Variants in IRAG2 observed in about 807,000 individuals in gnomAD.
IRAG2 encodes lymphoid restricted membrane protein.
Under a neutral mutation model 69.9 loss-of-function variants are expected in IRAG2, and 45 were observed. The observed-to-expected ratio is 0.64, with a 90% CI of 0.51 to 0.83. The LOEUF is 0.83. Among genes scored for constraint, IRAG2 ranks in the 40% least tolerant of loss-of-function variants. IRAG2 has a pLI of 0.00. For missense variants in IRAG2, 520 were observed against 587.0 expected (o/e 0.89, Z 1.18); for synonymous variants, 193 against 202.4 (o/e 0.95, Z 0.40).
intron 5 of IRAG2, among the ~76,000 whole-genome samples, chr12:25,015,586 C>T (rs1944521091): frequency 6.6e-6 from 1 of 152,138 alleles, no homozygotes; most frequent in African/African-American, 2.4e-5. Flanking sequence ...TCTAATAATG[C>T]CTGCATTAGA....
chr12:25,006,983 T>A (rs2139815695), intron 2 of IRAG2, among the ~76,000 whole-genome samples: 1 of 152,330 alleles, frequency 6.6e-6, no homozygotes. Context: ...GTAATCCTGT[T>A]TCCCTGAGTA....
intron 3 of IRAG2, chr12:25,011,587 C>G (rs1944475266): frequency 8.6e-7 from 1 of 1,160,868 alleles, no homozygotes; most frequent in African/African-American, 1.6e-5. Flanking sequence ...GTTTAAGGTT[C>G]TATTTTAACA....
chr12:25,052,563 C>T (rs763131918), upstream of IRAG2: 12 of 396,732 alleles, frequency 3.0e-5, no homozygotes, highest in South Asian at 2.9e-4. Context: ...ATGAAAGAGG[C>T]GACTCTGCAG....
chr12:25,095,132 G>C (rs1478390448), intron 14 of IRAG2, among the ~76,000 whole-genome samples: 1 of 152,090 alleles, frequency 6.6e-6, no homozygotes, highest in Non-Finnish European at 1.5e-5. Flanking sequence ...GTGAGAGTGG[G>C]CATCTTTGCC....
At chr12:25,015,457 T>C (rs1209935398) in intron 5 of IRAG2, 18 of 1,171,356 alleles carry the variant, frequency 1.5e-5, no homozygotes, top group Non-Finnish European at 1.9e-5. Context: ...CTTTCGCAAG[T>C]GTTTCAACTT....
rs1193870706 is a variant in IRAG2 at position 25,079,252 on chromosome 12, T to C, written c.33T>C (p.Gly11=). 8 of 1,613,976 alleles carry C rather than the reference T, an allele frequency of 5.0e-6. No homozygotes were observed. Among genetic ancestry groups the C allele is most frequent in the Non-Finnish European group, 6.8e-6 (8 of 1,179,984 alleles). The change falls in exon 7 of 22, where the codon GGT becomes GGC. Residue 11 remains glycine, a synonymous_variant. Transcript: ENST00000556887. MNDDPSMEEN[G]VERVCPESLL... ...CTTTCTTTTTCCTTAAGGAGAATGGTGTTGAACGCGTGTGTCCTGAGAGCC... is the reference window on the plus strand; with the variant it reads ...CTTTCTTTTTCCTTAAGGAGAATGGCGTTGAACGCGTGTGTCCTGAGAGCC...
At position 25,106,291 on chromosome 12, in the gene IRAG2, GCA is replaced by G. The variant is rs1391009726; in HGVS notation, c.1149-645_1149-644del. ...GTTTTATATATACACATACACACAC[GCA>G]CACACAGGTATATGTACACATCCAT... is the stretch of plus-strand genomic sequence containing the variant. On this transcript the variant is annotated intron_variant, in intron 20 of 21. Coordinates refer to ENST00000556887, the MANE Select transcript of IRAG2 (RefSeq NM_001366544.2). Among the ~76,000 whole-genome samples, 4 of 148,400 alleles carry G rather than the reference GCA, an allele frequency of 2.7e-5. No homozygotes were observed. The Admixed American group carries it at 2.7e-4, about 10-fold the overall frequency.
chr12:25,057,901 G>C (rs1334102711), intron 1 of IRAG2, among the ~76,000 whole-genome samples: 1 of 152,176 alleles, frequency 6.6e-6, no homozygotes, highest in East Asian at 1.9e-4. Context: ...CTGTCAGCAT[G>C]ATGGGATTAT....
In IRAG2 at chr12:25,101,341, G is replaced by A; in HGVS notation, c.889+16G>A. The A allele has an allele frequency of 6.4e-7, 1 of 1,563,608 alleles. No homozygotes were observed. Among genetic ancestry groups the A allele is most frequent in the Non-Finnish European group, 8.7e-7 (1 of 1,150,682 alleles). On this transcript the variant is annotated intron_variant, in intron 16 of 21. Coordinates refer to ENST00000556887, the MANE Select transcript of IRAG2 (RefSeq NM_001366544.2). ...GAAGATGATGGTAATAAAAGTTTAT[G>A]ATAATAGTATTAGTTGTGTTTTTCT...
intron 6 of IRAG2, among the ~76,000 whole-genome samples, chr12:25,075,041 GA>G (rs1022674596): frequency 6.6e-6 from 1 of 152,184 alleles, no homozygotes; most frequent in African/African-American, 2.4e-5. Flanking sequence ...TATTATAAAT[GA>G]ACCTGAAAGT....
upstream of IRAG2, among the ~76,000 whole-genome samples, chr12:25,050,008 A>AAAT (rs1296096423): frequency 7.1e-6 from 1 of 141,448 alleles, no homozygotes; most frequent in African/African-American, 2.6e-5. Context: ...AAAAAAAAAA[A>AAAT]GCTACTCGGG....
At chr12:25,036,998 T>G (rs1428837972) in intron 15 of IRAG2, among the ~76,000 whole-genome samples, 1 of 152,232 alleles carries the variant, frequency 6.6e-6, no homozygotes, top group East Asian at 1.9e-4. Context: ...CTTAGCCTAT[T>G]AAAATTGCCT....
At chr12:25,073,475 A>G (rs1320442862) in intron 6 of IRAG2, among the ~76,000 whole-genome samples, 1 of 152,218 alleles carries the variant, frequency 6.6e-6, no homozygotes, top group Admixed American at 6.5e-5. Flanking sequence ...GGTGCTCCTA[A>G]GAACTTGAGA....
At chr12:25,053,472 CTACA>C (rs757647631) in intron 1 of IRAG2, among the ~76,000 whole-genome samples, 12 of 151,906 alleles carry the variant, frequency 7.9e-5, no homozygotes, top group Non-Finnish European at 1.8e-4. Flanking sequence ...AATGCATTCT[CTACA>C]TACATCTACA....
chr12:25,086,129 A>T (rs1011036510), intron 10 of IRAG2, among the ~76,000 whole-genome samples: 1 of 152,232 alleles, frequency 6.6e-6, no homozygotes, highest in Non-Finnish European at 1.5e-5. Context: ...TAATGGATCA[A>T]TTTGCCATTG....
intron 6 of IRAG2, among the ~76,000 whole-genome samples, chr12:25,075,521 C>CGTGTGTGTGTGTGT (rs747046833): frequency 9.3e-5 from 13 of 139,372 alleles, no homozygotes; most frequent in Admixed American, 5.1e-4. Flanking sequence ...TGTGTGTATG[C>CGTGTGTGTGTGTGT]GTGTGTGTGT....
chr12:25,001,844 A>AC (rs1326014383), upstream of IRAG2, among the ~76,000 whole-genome samples: 2 of 148,286 alleles, frequency 1.3e-5, no homozygotes, highest in African/African-American at 5.0e-5. Context: ...ATCTCAGCTC[A>AC]CTGCAACCTC....
chr12:25,007,111 C>A (rs1944439371), intron 2 of IRAG2, among the ~76,000 whole-genome samples: 1 of 152,092 alleles, frequency 6.6e-6, no homozygotes, highest in Non-Finnish European at 1.5e-5. Context: ...AGGTAGAATT[C>A]TATGATGAAT....
upstream of IRAG2, among the ~76,000 whole-genome samples, chr12:25,048,362 T>C (rs1944814388): frequency 1.3e-5 from 2 of 152,160 alleles, no homozygotes; most frequent in South Asian, 4.1e-4. Context: ...GGGGTCTCGA[T>C]CTCGGCTCAC....
Sources: allele counts gnomAD v4.1 joint callset (sites outside exome capture counted in the v4.1 genomes callset), GRCh38; gene constraint gnomAD v4.1.1; transcripts MANE v1.5; gene names NCBI Gene and HGNC (gene_info 2026-07-23, HGNC 2026-07-21).